SH3RF3: variants seen among roughly 807,000 people sequenced by gnomAD.
The protein encoded by SH3RF3 is E3 ubiquitin-protein ligase SH3RF3.
Under a neutral mutation model 66.3 loss-of-function variants are expected in SH3RF3, and 29 were observed. The observed-to-expected ratio is 0.44, with a 90% CI of 0.33 to 0.60. The LOEUF (loss-of-function observed/expected upper bound fraction) is 0.60. SH3RF3 is among the 20% of genes least tolerant of loss of function. The pLI is 0.04. For synonymous variants in SH3RF3, 583 were observed against 532.0 expected, an observed-to-expected ratio of 1.10 and a Z score of -1.32; for missense variants, 1,194 against 1,190.9, an observed-to-expected ratio of 1.00 and a Z score of -0.04.
rs531923540 is a variant in SH3RF3 at position 109,333,864 on chromosome 2, T to A, written c.574-13810T>A. Among the ~76,000 whole-genome samples, 3 of 152,212 alleles carry A rather than the reference T, an allele frequency of 2.0e-5. No individual in the cohort carries two copies. The South Asian group carries it at 6.2e-4, about 32-fold the overall frequency. ...ATTATAATATTAATAATTATAATTATGATGATATAATAATGATATCACCAA... is the reference window on the plus strand; with the variant it reads ...ATTATAATATTAATAATTATAATTAAGATGATATAATAATGATATCACCAA... On this transcript the variant is annotated intron_variant, in intron 1 of 9. Coordinates refer to ENST00000309415, the MANE Select transcript of SH3RF3 (RefSeq NM_001099289.3).
chr2:109,340,572 GACCACTTCC>G (rs1682535946), intron 1 of SH3RF3, among the ~76,000 whole-genome samples: 1 of 152,158 alleles, frequency 6.6e-6, no homozygotes, highest in Non-Finnish European at 1.5e-5. Context: ...GATCACCACT[GACCACTTCC>G]TACACTTAGA....
chr2:109,494,240 C>G (rs902944808), intron 9 of SH3RF3, among the ~76,000 whole-genome samples: 4 of 152,212 alleles, frequency 2.6e-5, no homozygotes, highest in Non-Finnish European at 5.9e-5. Flanking sequence ...GAGACTCACT[C>G]CCGTTCTCTG....
intron 1 of SH3RF3, among the ~76,000 whole-genome samples, chr2:109,347,331 C>T (rs1001921221): frequency 2.0e-5 from 3 of 152,122 alleles, no homozygotes; most frequent in Admixed American, 2.0e-4. Context: ...AGTCACCTTC[C>T]CTCTCTGTGC....
chr2:109,277,081 C>A (rs1302329405), intron 1 of SH3RF3, among the ~76,000 whole-genome samples: 1 of 152,182 alleles, frequency 6.6e-6, no homozygotes, highest in Admixed American at 6.5e-5. Flanking sequence ...AAGTCAGCCC[C>A]ACGCCGGCGG....
intron 5 of SH3RF3, among the ~76,000 whole-genome samples, chr2:109,420,547 G>T (rs963589028): frequency 4.6e-5 from 7 of 152,230 alleles, no homozygotes; most frequent in African/African-American, 1.4e-4. Context: ...CCAGGTTCAC[G>T]CAATTCTCCT....
intron 1 of SH3RF3, among the ~76,000 whole-genome samples, chr2:109,147,692 C>T (rs374696302): frequency 7.5e-4 from 114 of 152,206 alleles, no homozygotes; most frequent in African/African-American, 2.3e-3. Flanking sequence ...GTATAGTTTC[C>T]GGCTTCTGGG....
intron 1 of SH3RF3, among the ~76,000 whole-genome samples, chr2:109,241,943 T>C (rs889508270): frequency 6.6e-6 from 1 of 151,914 alleles, no homozygotes; most frequent in Non-Finnish European, 1.5e-5. Context: ...TGAGACACGA[T>C]GTTCCCCAGA....
intron 3 of SH3RF3, among the ~76,000 whole-genome samples, chr2:109,395,417 C>T (rs1344214922): frequency 4.6e-5 from 7 of 152,212 alleles, no homozygotes; most frequent in African/African-American, 1.4e-4. Flanking sequence ...GGAGACCCCT[C>T]GGCAGCGGTT....
At chr2:109,291,605 G>T (rs981138573) in intron 1 of SH3RF3, among the ~76,000 whole-genome samples, 1 of 152,232 alleles carries the variant, frequency 6.6e-6, no homozygotes, top group Non-Finnish European at 1.5e-5. Context: ...AGCCCAGGCA[G>T]CTCCTCGTGG....
chr2:109,430,957 G>C (rs1010034346), intron 5 of SH3RF3, among the ~76,000 whole-genome samples: 1 of 152,216 alleles, frequency 6.6e-6, no homozygotes, highest in African/African-American at 2.4e-5. Context: ...CATTGAATGA[G>C]GGCAGAGGGC....
intron 3 of SH3RF3, among the ~76,000 whole-genome samples, chr2:109,398,243 C>T (rs1327341035): frequency 6.6e-6 from 1 of 152,182 alleles, no homozygotes. Flanking sequence ...GGCTTCCTTC[C>T]CATCTTGTCC....
At chr2:109,153,612 C>T (rs6724480) in intron 1 of SH3RF3, among the ~76,000 whole-genome samples, 2,271 of 152,304 alleles carry the variant, frequency 0.015, 51 homozygotes, top group African/African-American at 0.052. Flanking sequence ...TGGAAGCTGC[C>T]GCTGTGAAAG....
intron 1 of SH3RF3, among the ~76,000 whole-genome samples, chr2:109,338,836 C>T (rs950509591): frequency 7.2e-5 from 11 of 152,266 alleles, no homozygotes; most frequent in East Asian, 3.9e-4. Context: ...TGAGCCATTG[C>T]GCCAAGTCTT....
chr2:109,161,816 G>A (rs184231574), intron 1 of SH3RF3, among the ~76,000 whole-genome samples: 31 of 151,928 alleles, frequency 2.0e-4, no homozygotes, highest in African/African-American at 7.5e-4. Context: ...TATTCATAGG[G>A]GATGCAAATA....
intron 9 of SH3RF3, among the ~76,000 whole-genome samples, chr2:109,491,571 A>G (rs917616123): frequency 3.3e-5 from 5 of 152,088 alleles, no homozygotes; most frequent in Non-Finnish European, 7.4e-5. Context: ...ATGGCCCACT[A>G]AGGCTGTGGG....
At chr2:109,416,296 T>C (rs566667598) in intron 4 of SH3RF3, among the ~76,000 whole-genome samples, 1 of 152,124 alleles carries the variant, frequency 6.6e-6, no homozygotes, top group African/African-American at 2.4e-5. Context: ...TGCTGCATGC[T>C]TAGAATTACA....
At chr2:109,400,694 CTG>C (rs1676291282) in intron 4 of SH3RF3, among the ~76,000 whole-genome samples, 1 of 129,418 alleles carries the variant, frequency 7.7e-6, no homozygotes, top group Non-Finnish European at 1.7e-5. Flanking sequence ...GGATACACAC[CTG>C]CACGCATATG....
At chr2:109,216,322 G>A (rs1322664689) in intron 1 of SH3RF3, among the ~76,000 whole-genome samples, 1 of 152,324 alleles carries the variant, frequency 6.6e-6, no homozygotes, top group East Asian at 1.9e-4. Flanking sequence ...TCAGCTTAGT[G>A]ATCCCACCTT....
chr2:109,164,560 C>G (rs978445733), intron 1 of SH3RF3, among the ~76,000 whole-genome samples: 1 of 152,162 alleles, frequency 6.6e-6, no homozygotes, highest in Admixed American at 6.5e-5. Flanking sequence ...ATTTACTCTT[C>G]TACCCATTCA....
Sources: allele counts gnomAD v4.1 joint callset (sites outside exome capture counted in the v4.1 genomes callset), GRCh38; gene constraint gnomAD v4.1.1; transcripts MANE v1.5; gene names NCBI Gene and HGNC (gene_info 2026-07-23, HGNC 2026-07-21).